The following PREX2 variants were observed in gnomAD, a reference collection of about 807,000 sequenced individuals.
PREX2 encodes phosphatidylinositol 3,4,5-trisphosphate-dependent Rac exchanger 2 protein.
Under a neutral mutation model 203.2 loss-of-function variants are expected in PREX2, and 107 were observed. That is an observed-to-expected ratio of 0.53 (90% CI 0.45 to 0.62). The LOEUF is 0.62. Among genes scored for constraint, PREX2 ranks in the 20% least tolerant of loss-of-function variants. PREX2 has a pLI of 0.00. For synonymous variants in PREX2, 672 were observed against 663.6 expected, an observed-to-expected ratio of 1.01 and a Z score of -0.19; for missense variants, 1,777 against 1,955.9, an observed-to-expected ratio of 0.91 and a Z score of 1.72.
chr8:68,052,993 A>G (rs1808566057), intron 8 of PREX2, 104 bp from the exon 9 acceptor site: 2 of 968,372 alleles, frequency 2.1e-6, no homozygotes, highest in Non-Finnish European at 3.1e-6. Flanking sequence ...AGAGATGTTG[A>G]ACAATTCAGT....
chr8:68,228,958 A>AG (rs1395389224), intron 39 of PREX2, among the ~76,000 whole-genome samples: 9 of 129,768 alleles, frequency 6.9e-5, no homozygotes, highest in African/African-American at 8.5e-5. Context: ...AAAAAAAAAA[A>AG]AAAAAAAAAG....
At chr8:68,027,428 C>G in intron 5 of PREX2, 105 bp downstream of exon 5, 1 of 747,700 alleles carries the variant, frequency 1.3e-6, no homozygotes, top group Non-Finnish European at 2.3e-6. Context: ...CTAAAGGAAG[C>G]GTAGACCATA....
At chr8:68,216,950 G>A (rs1812852094) in intron 37 of PREX2, among the ~76,000 whole-genome samples, 1 of 129,936 alleles carries the variant, frequency 7.7e-6, no homozygotes, top group Non-Finnish European at 1.5e-5. Flanking sequence ...AACAGAGCAA[G>A]ACTCCATCTC....
intron 14 of PREX2, 141 bp from the exon 15 acceptor site, chr8:68,077,256 A>C: frequency 1.5e-6 from 1 of 654,310 alleles, no homozygotes; most frequent in South Asian, 1.7e-5. Context: ...TAACAATTAG[A>C]TGCATTCTGT....
chr8:67,959,080 G>T (rs1336515299), intron 1 of PREX2, among the ~76,000 whole-genome samples: 2 of 152,194 alleles, frequency 1.3e-5, no homozygotes, highest in East Asian at 3.8e-4. Context: ...CAAACAAAAG[G>T]TAGGATGTTG....
Position 68,236,159 on chromosome 8 carries a change from G to A in PREX2, c.*4781G>A, listed in dbSNP as rs1813260808. ...GTCCAACCATGTGTAAATGTACCTG[G>A]TCTTTTGATCACTGACACTACTTTG... is the stretch of plus-strand genomic sequence containing the variant. On this transcript the variant is annotated 3_prime_UTR_variant, in exon 40 of 40. Coordinates refer to ENST00000288368, the MANE Select transcript of PREX2 (RefSeq NM_024870.4). 1 of 151,256 alleles carries A rather than the reference G, an allele frequency of 6.6e-6. No homozygotes were observed. The highest frequency in any genetic ancestry group is 1.5e-5 in the Non-Finnish European group (1 of 68,002). The allele number at this position is 151,256 out of a possible 1,614,324, so 9.4% of individuals were successfully genotyped here.
Position 67,952,240 on chromosome 8 carries a change from C to G in PREX2, c.-155C>G. On this transcript the variant is annotated 5_prime_UTR_variant, in exon 1 of 40. Coordinates refer to ENST00000288368, the MANE Select transcript of PREX2 (RefSeq NM_024870.4). ...GCCCGATCCCCTCCTCTCCCTGCGC[C>G]CAGCCTCTCCCCAGCATGTAAAGTC... 1 of 575,954 alleles carries G rather than the reference C, an allele frequency of 1.7e-6. No homozygotes were observed. The highest frequency in any genetic ancestry group is 2.6e-6 in the Non-Finnish European group (1 of 390,860). 35.7% of individuals were successfully genotyped at this position (575,954 alleles called of 1,614,324 possible).
At chr8:68,115,074 C>G (rs1191173850) in intron 25 of PREX2, among the ~76,000 whole-genome samples, 3 of 124,454 alleles carry the variant, frequency 2.4e-5, no homozygotes, top group African/African-American at 9.7e-5. Context: ...GTTGCCCAGG[C>G]TGGAGTACAA....
chr8:68,184,694 C>T (rs1052951369), intron 35 of PREX2, among the ~76,000 whole-genome samples: 5 of 152,260 alleles, frequency 3.3e-5, no homozygotes, highest in South Asian at 2.1e-4. Flanking sequence ...AAGCACGAGG[C>T]TCTTAGGCCT....
chr8:68,036,035 AG>A (rs1384057301), intron 6 of PREX2, among the ~76,000 whole-genome samples: 1 of 152,192 alleles, frequency 6.6e-6, no homozygotes, highest in Admixed American at 6.5e-5. Context: ...TTGACCTTAA[AG>A]AGGTCAGTCA....
At chr8:68,081,022 G>A (rs1185319013) in intron 17 of PREX2, among the ~76,000 whole-genome samples, 184 bp downstream of exon 17, 1 of 152,106 alleles carries the variant, frequency 6.6e-6, no homozygotes, top group Non-Finnish European at 1.5e-5. Flanking sequence ...CAGCAGCTGA[G>A]TCCTGTCTGG....
intron 1 of PREX2, among the ~76,000 whole-genome samples, chr8:67,980,919 A>G (rs1318273767): frequency 1.3e-5 from 2 of 152,212 alleles, no homozygotes. Flanking sequence ...GTATTTCTTC[A>G]TAGCAGTGTG....
chr8:68,083,148 G>C, intron 17 of PREX2, 92 bp from the exon 18 acceptor site: 2 of 893,782 alleles, frequency 2.2e-6, no homozygotes, highest in Non-Finnish European at 3.4e-6. Flanking sequence ...ATATCTATAA[G>C]CTCTGAAACT....
At chr8:68,016,435 G>A (rs1303678038) in intron 1 of PREX2, among the ~76,000 whole-genome samples, 1 of 151,970 alleles carries the variant, frequency 6.6e-6, no homozygotes, top group Non-Finnish European at 1.5e-5. Context: ...TTTTGCTATA[G>A]TAGTCTATAA....
chr8:68,032,895 G>A (rs898827603), intron 6 of PREX2, among the ~76,000 whole-genome samples: 1 of 152,108 alleles, frequency 6.6e-6, no homozygotes, highest in African/African-American at 2.4e-5. Flanking sequence ...CTAGGAAACA[G>A]CTCCCTCTCC....
At chr8:68,142,082 C>A (rs73263316) in intron 33 of PREX2, among the ~76,000 whole-genome samples, 2,663 of 152,220 alleles carry the variant, frequency 0.017, 89 homozygotes, top group African/African-American at 0.061. Flanking sequence ...CAATAGCCCT[C>A]ACGATAGAGG....
At chr8:68,022,299 G>C (rs1213789551) in intron 4 of PREX2, among the ~76,000 whole-genome samples, 159 bp downstream of exon 4, 1 of 152,128 alleles carries the variant, frequency 6.6e-6, no homozygotes, top group Non-Finnish European at 1.5e-5. Flanking sequence ...AAAAGTGAGA[G>C]CTGGGATCAG....
At chr8:68,222,746 C>T (rs1156563750) in intron 38 of PREX2, among the ~76,000 whole-genome samples, 3 of 151,216 alleles carry the variant, frequency 2.0e-5, no homozygotes, top group Non-Finnish European at 4.4e-5. Flanking sequence ...CTTTACAGTT[C>T]CAAAATCTGG....
At chr8:68,110,969 G>A (rs1398345116) in intron 25 of PREX2, 10 of 422,830 alleles carry the variant, frequency 2.4e-5, no homozygotes, top group Non-Finnish European at 3.8e-5. Flanking sequence ...GAGAAAAGGA[G>A]AGTATTTTTT....
Sources: allele counts gnomAD v4.1 joint callset (sites outside exome capture counted in the v4.1 genomes callset), GRCh38; gene constraint gnomAD v4.1.1; transcripts MANE v1.5; gene names NCBI Gene and HGNC (gene_info 2026-07-23, HGNC 2026-07-21).